The following PPFIA2 variants were observed in gnomAD, a reference collection of about 807,000 sequenced individuals.
The protein encoded by PPFIA2 is liprin-alpha-2.
PPFIA2 carries 46 observed loss-of-function variants against 175.5 expected under a neutral mutation model. The observed-to-expected ratio is 0.26, with a 90% confidence interval of 0.21 to 0.34. The LOEUF is 0.34. PPFIA2 is among the 10% of genes least tolerant of loss of function. The pLI is 1.00. For synonymous variants in PPFIA2, 568 were observed against 511.4 expected (o/e 1.11, Z -1.49); for missense variants, 1,179 against 1,506.1 (o/e 0.78, Z 3.60).
intron 32 of PPFIA2, 95 bp from the exon 33 acceptor site, chr12:81,259,755 T>C: frequency 9.5e-7 from 1 of 1,048,132 alleles, no homozygotes; most frequent in Non-Finnish European, 1.4e-6. Context: ...CGCAGCCTGC[T>C]TACTCCTGTC....
At chr12:81,631,853 G>C (rs1200128651) in intron 4 of PPFIA2, among the ~76,000 whole-genome samples, 1 of 152,180 alleles carries the variant, frequency 6.6e-6, no homozygotes, top group Admixed American at 6.5e-5. Flanking sequence ...TTAGTAATGT[G>C]TGATGTAGTG....
chr12:81,314,918 GA>G (rs1201158023), intron 22 of PPFIA2, among the ~76,000 whole-genome samples: 73 of 149,752 alleles, frequency 4.9e-4, no homozygotes, highest in Middle Eastern at 3.4e-3. Context: ...GCTGATGGGG[GA>G]AAAAAAAAGA....
At chr12:81,429,954 A>G (rs1282248599) in intron 7 of PPFIA2, 3 of 152,068 alleles carry the variant, frequency 2.0e-5, no homozygotes, top group Non-Finnish European at 2.9e-5. Flanking sequence ...TCTCGTTTAC[A>G]GTCTCCTTAG....
chr12:81,700,586 C>A (rs2076375351), intron 3 of PPFIA2, among the ~76,000 whole-genome samples: 1 of 151,992 alleles, frequency 6.6e-6, no homozygotes. Context: ...TGTTTCCAAA[C>A]AATTTTCTAG....
intron 22 of PPFIA2, among the ~76,000 whole-genome samples, chr12:81,320,891 G>C (rs2053514488): frequency 6.6e-6 from 1 of 152,028 alleles, no homozygotes; most frequent in Non-Finnish European, 1.5e-5. Context: ...TGAAAATTGA[G>C]TGTAGAAATG....
At chr12:81,715,340 T>C (rs899418304) in intron 3 of PPFIA2, among the ~76,000 whole-genome samples, 2 of 151,828 alleles carry the variant, frequency 1.3e-5, no homozygotes, top group Non-Finnish European at 2.9e-5. Context: ...TACATGTTAA[T>C]ACATATTAAT....
Position 81,302,633 on chromosome 12 carries a change from G to C in PPFIA2, c.2643-3251C>G, listed in dbSNP as rs1218982795. Reference sequence around the variant, plus strand: ...CTGTGGAAAAACGGATCAGATGGGAGGGATGGCTAGGTTTTACACCAGGAC... The same window carrying C: ...CTGTGGAAAAACGGATCAGATGGGACGGATGGCTAGGTTTTACACCAGGAC... On this transcript the variant is annotated intron_variant, in intron 22 of 32. Coordinates refer to ENST00000549396, the MANE Select transcript of PPFIA2 (RefSeq NM_003625.5). The C allele has an allele frequency of 6.8e-6, 3 of 444,362 alleles. No homozygotes were observed. The East Asian group carries it at 2.1e-4, about 31-fold the overall frequency. 27.5% of individuals were successfully genotyped at this position (444,362 alleles called of 1,614,324 possible). A position where few individuals can be genotyped will look rare whatever the true frequency, so the allele number is the denominator to read the frequency against.
chr12:81,690,365 A>C (rs1177592400), intron 3 of PPFIA2, among the ~76,000 whole-genome samples: 1 of 152,106 alleles, frequency 6.6e-6, no homozygotes, highest in Non-Finnish European at 1.5e-5. Context: ...TTGTCTCTTA[A>C]TGAGAGCATT....
intron 8 of PPFIA2, among the ~76,000 whole-genome samples, chr12:81,398,569 A>T (rs1319928227): frequency 2.6e-5 from 4 of 152,044 alleles, no homozygotes; most frequent in African/African-American, 7.2e-5. Flanking sequence ...TTGCTCTGCA[A>T]ACCTCACAGG....
At chr12:81,736,607 G>A (rs1157445870) in intron 3 of PPFIA2, among the ~76,000 whole-genome samples, 1 of 151,888 alleles carries the variant, frequency 6.6e-6, no homozygotes, top group Non-Finnish European at 1.5e-5. Flanking sequence ...CAACACCGTT[G>A]GGACAATTAC....
chr12:81,439,152 TCTCTCTCTCTCTCC>T (rs1347396757), intron 7 of PPFIA2, among the ~76,000 whole-genome samples: 1 of 150,526 alleles, frequency 6.6e-6, no homozygotes, highest in Non-Finnish European at 1.5e-5. Flanking sequence ...TAAACTTCTC[TCTCTCTCTCTCTCC>T]CTCTCTCTCT....
At chr12:81,667,710 C>T (rs1156886871) in intron 4 of PPFIA2, among the ~76,000 whole-genome samples, 1 of 152,016 alleles carries the variant, frequency 6.6e-6, no homozygotes, top group Non-Finnish European at 1.5e-5. Flanking sequence ...AGATTCATAA[C>T]TTTCCAGTCA....
chr12:81,605,755 T>C (rs2060244002), intron 4 of PPFIA2, among the ~76,000 whole-genome samples: 1 of 151,776 alleles, frequency 6.6e-6, no homozygotes, highest in African/African-American at 2.4e-5. Flanking sequence ...CTTCTAACAG[T>C]ATCCATACCC....
chr12:81,495,351 A>T (rs919789420), intron 4 of PPFIA2, among the ~76,000 whole-genome samples: 7 of 152,150 alleles, frequency 4.6e-5, no homozygotes, highest in Admixed American at 3.9e-4. Flanking sequence ...TGAATAAAAA[A>T]AACATAAATT....
At chr12:81,311,240 T>C (rs2050698536) in intron 22 of PPFIA2, among the ~76,000 whole-genome samples, 1 of 152,212 alleles carries the variant, frequency 6.6e-6, no homozygotes, top group Non-Finnish European at 1.5e-5. Context: ...ATTCAGGTTT[T>C]TAAAGCTTTA....
chr12:81,500,230 G>A (rs141784624), intron 4 of PPFIA2, among the ~76,000 whole-genome samples: 333 of 152,234 alleles, frequency 2.2e-3, no homozygotes, highest in Admixed American at 5.8e-3. Flanking sequence ...GCAGGTATTA[G>A]AGTTAGAATT....
chr12:81,413,098 T>A (rs574597853), intron 7 of PPFIA2, among the ~76,000 whole-genome samples: 2 of 151,892 alleles, frequency 1.3e-5, no homozygotes, highest in African/African-American at 4.8e-5. Context: ...TGCAAGTGAT[T>A]ATCACAACTG....
intron 4 of PPFIA2, among the ~76,000 whole-genome samples, chr12:81,641,427 C>T (rs777635953): frequency 3.9e-4 from 60 of 152,214 alleles, no homozygotes; most frequent in African/African-American, 4.8e-4. Context: ...TGCCAAGGTA[C>T]GCACACCTTG....
intron 4 of PPFIA2, among the ~76,000 whole-genome samples, chr12:81,493,008 A>G (rs190757403): frequency 1.3e-5 from 2 of 152,216 alleles, no homozygotes; most frequent in Non-Finnish European, 2.9e-5. Context: ...GGTGAGAGAT[A>G]AAGAGGAAAG....
Sources: gnomAD v4.1 joint callset for allele counts (sites outside exome capture counted in the v4.1 genomes callset) on GRCh38, gnomAD v4.1.1 for gene constraint, MANE v1.5 for transcripts, NCBI Gene and HGNC (gene_info 2026-07-23, HGNC 2026-07-21) for gene names.